The following PLCG2 variants were observed in gnomAD, a reference collection of about 807,000 sequenced individuals.
The protein encoded by PLCG2 is 1-phosphatidylinositol 4,5-bisphosphate phosphodiesterase gamma-2.
Under a neutral mutation model 175.6 loss-of-function variants are expected in PLCG2, and 69 were observed. The observed-to-expected ratio is 0.39, with a 90% CI of 0.32 to 0.48. The LOEUF (loss-of-function observed/expected upper bound fraction) is 0.48. Ranked by LOEUF, PLCG2 falls within the 20% of genes least tolerant of loss-of-function variation. PLCG2 has a pLI of 0.91. For synonymous variants in PLCG2, 827 were observed against 624.0 expected, an observed-to-expected ratio of 1.33 and a Z score of -4.85; for missense variants, 1,798 against 1,650.9, an observed-to-expected ratio of 1.09 and a Z score of -1.54.
intron 7 of PLCG2, among the ~76,000 whole-genome samples, chr16:81,874,244 C>T (rs781132971): frequency 6.6e-6 from 1 of 152,178 alleles, no homozygotes. Flanking sequence ...GGTCACATCT[C>T]GCCATGGAAC....
At chr16:81,846,195 G>C (rs545636741) in intron 2 of PLCG2, among the ~76,000 whole-genome samples, 1 of 151,686 alleles carries the variant, frequency 6.6e-6, no homozygotes, top group South Asian at 2.1e-4. Flanking sequence ...GGTTGTAGTG[G>C]CTGTAAGCCA....
chr16:81,818,108 C>A (rs374888275), intron 2 of PLCG2, among the ~76,000 whole-genome samples: 34 of 152,308 alleles, frequency 2.2e-4, no homozygotes, highest in African/African-American at 8.2e-4. Flanking sequence ...AATTACAACA[C>A]CTACTTTACA....
At chr16:81,753,971 C>T (rs1314985922) in intron 1 of PLCG2, among the ~76,000 whole-genome samples, 1 of 152,102 alleles carries the variant, frequency 6.6e-6, no homozygotes, top group Non-Finnish European at 1.5e-5. Flanking sequence ...GAGGCTGAGC[C>T]TGTGTGAGGC....
chr16:81,742,451 C>G (rs4312299), intron 1 of PLCG2, among the ~76,000 whole-genome samples: 93,388 of 151,942 alleles, frequency 0.61, 28,915 homozygotes, highest in Middle Eastern at 0.66. Flanking sequence ...TCCTGGGGCC[C>G]AGCCTATCTC....
intron 31 of PLCG2, among the ~76,000 whole-genome samples, chr16:81,946,903 AG>A (rs1911173621): frequency 5.7e-5 from 1 of 17,622 alleles, no homozygotes; most frequent in Non-Finnish European, 1.6e-4. Context: ...TGCTTAGTGA[AG>A]CAGACCCTTT....
intron 2 of PLCG2, among the ~76,000 whole-genome samples, chr16:81,769,315 G>C (rs1910221759): frequency 6.6e-6 from 1 of 152,192 alleles, no homozygotes; most frequent in South Asian, 2.1e-4. Context: ...TTTCTTCCCT[G>C]TTGTTTCAGT....
At chr16:81,937,196 T>G (rs1422977588) in intron 27 of PLCG2, among the ~76,000 whole-genome samples, 1 of 152,122 alleles carries the variant, frequency 6.6e-6, no homozygotes, top group Non-Finnish European at 1.5e-5. Context: ...TAGGTGGAGG[T>G]TGGAGTACGC....
chr16:81,846,311 C>CGAT (rs1299873625), intron 2 of PLCG2, among the ~76,000 whole-genome samples: 1 of 152,166 alleles, frequency 6.6e-6, no homozygotes, highest in Non-Finnish European at 1.5e-5. Context: ...CCCGCCACTC[C>CGAT]CTATACAGTC....
At chr16:81,887,245 G>A (rs1031016444) in intron 9 of PLCG2, among the ~76,000 whole-genome samples, 12 of 151,424 alleles carry the variant, frequency 7.9e-5, no homozygotes, top group Admixed American at 2.0e-4. Context: ...TCAGCCTCCC[G>A]AGTACCTGGG....
At chr16:81,761,271 A>G (rs1325083209) in intron 2 of PLCG2, among the ~76,000 whole-genome samples, 1 of 152,166 alleles carries the variant, frequency 6.6e-6, no homozygotes, top group Non-Finnish European at 1.5e-5. Context: ...AGGCTGAGGC[A>G]GGAGGATCTC....
chr16:81,815,028 G>T (rs1237281791), intron 2 of PLCG2, among the ~76,000 whole-genome samples: 2 of 152,228 alleles, frequency 1.3e-5, no homozygotes, highest in Non-Finnish European at 2.9e-5. Flanking sequence ...GGCTGTTCCA[G>T]CCTGACAAAT....
intron 19 of PLCG2, among the ~76,000 whole-genome samples, chr16:81,913,203 C>T (rs1287713638): frequency 3.9e-5 from 6 of 152,212 alleles, no homozygotes; most frequent in Non-Finnish European, 8.8e-5. Context: ...TCTCCCACTT[C>T]CACTAATGAC....
intron 25 of PLCG2, among the ~76,000 whole-genome samples, chr16:81,932,129 G>A (rs1910528088): frequency 6.6e-6 from 1 of 152,130 alleles, no homozygotes; most frequent in Non-Finnish European, 1.5e-5. Flanking sequence ...CCCTCTAGAT[G>A]GGAGTGACCT....
rs1465458263 is a variant in PLCG2 at position 81,958,808 on chromosome 16, G to A, written c.*810G>A. On this transcript the variant is annotated 3_prime_UTR_variant, in exon 33 of 33. Transcript: ENST00000564138. The stretch of plus-strand genomic sequence containing the variant: ...TACTGAACTGGCTGGGAGGCTGCTG[G>A]AATGGCCCTTGGTCCACAGCTCTCC... 1 of 221,848 alleles carries A rather than the reference G, an allele frequency of 4.5e-6. No homozygotes were observed. Among genetic ancestry groups the A allele is most frequent in the East Asian group, 6.6e-5 (1 of 15,260 alleles). 13.7% of individuals were successfully genotyped at this position (221,848 alleles called of 1,614,324 possible).
At chr16:81,798,214 G>C (rs1911559047) in intron 2 of PLCG2, among the ~76,000 whole-genome samples, 3 of 152,286 alleles carry the variant, frequency 2.0e-5, no homozygotes, top group African/African-American at 7.2e-5. Flanking sequence ...GTTTGTAAGT[G>C]ATTGTCACAA....
intron 5 of PLCG2, among the ~76,000 whole-genome samples, chr16:81,866,284 A>G (rs28716785): frequency 7.8e-4 from 66 of 84,748 alleles, no homozygotes; most frequent in Middle Eastern, 0.01. Flanking sequence ...AGAGGATGCT[A>G]GCCTCTCCCT....
At chr16:81,955,230 T>A (rs975233757) in intron 31 of PLCG2, among the ~76,000 whole-genome samples, 2 of 152,204 alleles carry the variant, frequency 1.3e-5, no homozygotes, top group African/African-American at 2.4e-5. Flanking sequence ...GGGGACTGTT[T>A]TGTTAGGTCA....
At chr16:81,774,586 C>G (rs1329270084), upstream of PLCG2, among the ~76,000 whole-genome samples, 3 of 151,920 alleles carry the variant, frequency 2.0e-5, no homozygotes, top group Non-Finnish European at 2.9e-5. Context: ...CTCAAGGGCT[C>G]CAGGGGGTTT....
At position 81,883,948 on chromosome 16, in the gene PLCG2, T is replaced by G. The variant is rs574156653; in HGVS notation, c.765+607T>G. On this transcript the variant is annotated intron_variant, in intron 9 of 32. Transcript: ENST00000564138. ...CACTGGGCAGTGTCCAGAGACGACA[T>G]GGGTGCGTGTCACAGCGGGAGGCTG... Among the ~76,000 whole-genome samples, 6 of 152,304 alleles carry G rather than the reference T, an allele frequency of 3.9e-5. No homozygotes were observed. In the South Asian group the frequency reaches 8.3e-4, roughly 21 times the overall value.
Sources: gnomAD v4.1 joint callset for allele counts (sites outside exome capture counted in the v4.1 genomes callset) on GRCh38, gnomAD v4.1.1 for gene constraint, MANE v1.5 for transcripts, NCBI Gene and HGNC (gene_info 2026-07-23, HGNC 2026-07-21) for gene names.